Variants in PCM1 observed in about 807,000 individuals in gnomAD.
PCM1 encodes the protein pericentriolar material 1.
Under a neutral mutation model 241.9 loss-of-function variants are expected in PCM1, and 157 were observed. The ratio of observed to expected loss-of-function variants is 0.65; its 90% CI spans 0.57 to 0.74. The LOEUF (loss-of-function observed/expected upper bound fraction) is 0.74. Among genes scored for constraint, PCM1 ranks in the 30% least tolerant of loss-of-function variants. The pLI, the probability that PCM1 is intolerant of heterozygous loss-of-function variation, is 0.00. For synonymous variants in PCM1, 1,085 were observed against 784.9 expected (o/e 1.38, Z -6.39); for missense variants, 3,478 against 2,360.1 (o/e 1.47, Z -9.81).
At chr8:18,010,203 T>C (rs1296586567) in intron 31 of PCM1, among the ~76,000 whole-genome samples, 2 of 152,182 alleles carry the variant, frequency 1.3e-5, no homozygotes, top group Non-Finnish European at 2.9e-5. Flanking sequence ...GTCAAATTAA[T>C]TTTGATCACA....
At chr8:17,956,877 C>T (rs1383491963) in intron 11 of PCM1, 100 bp downstream of exon 11, 10 of 958,190 alleles carry the variant, frequency 1.0e-5, no homozygotes, top group Middle Eastern at 4.6e-4. Flanking sequence ...TACTATTTGC[C>T]TTTTATTTAA....
At chr8:17,970,000 T>C (rs1323190627) in intron 22 of PCM1, among the ~76,000 whole-genome samples, 1 of 152,178 alleles carries the variant, frequency 6.6e-6, no homozygotes, top group Non-Finnish European at 1.5e-5. Context: ...TTGATACCTG[T>C]CTTTACGGTT....
chr8:17,924,301 A>C (rs3913555), intron 1 of PCM1, among the ~76,000 whole-genome samples: 103,933 of 152,116 alleles, frequency 0.68, 36,303 homozygotes, highest in Non-Finnish European at 0.77. Context: ...AGGTTATTTT[A>C]TTATGAAGTA....
rs769388820 is a variant in PCM1, at chr8:17,967,023, C to A, written c.3265C>A (p.His1089Asn). ...LNELMRQQNQ[H>N]PEKPGGKERG... The stretch of plus-strand genomic sequence containing the variant: ...TGAACTTATGCGCCAGCAAAATCAG[C>A]ATCCAGAAAAACCTGGAGGCAAGGA... The change falls in exon 21 of 39, where the codon CAT (histidine) becomes AAT (asparagine). Residue 1089 changes from histidine to asparagine, a missense_variant. By Grantham distance (68) the His-to-Asn change is moderately conservative. Coordinates refer to ENST00000325083, the MANE Select transcript of PCM1 (RefSeq NM_006197.4). 1 of 1,608,984 alleles carries A rather than the reference C, an allele frequency of 6.2e-7. No individual in the cohort carries two copies.
At chr8:18,006,567 A>G (rs2091375183) in intron 30 of PCM1, among the ~76,000 whole-genome samples, 170 bp downstream of exon 30, 1 of 152,176 alleles carries the variant, frequency 6.6e-6, no homozygotes, top group Non-Finnish European at 1.5e-5. Flanking sequence ...CTTGGTTAAA[A>G]TAATATTGTA....
intron 29 of PCM1, among the ~76,000 whole-genome samples, chr8:17,997,316 CCTTT>C (rs2087239531): frequency 6.6e-6 from 1 of 152,032 alleles, no homozygotes; most frequent in South Asian, 2.1e-4. Context: ...CTTTTAGGGT[CCTTT>C]CTTTATCCTT....
chr8:17,983,063 AT>A (rs761213884), intron 24 of PCM1, among the ~76,000 whole-genome samples: 3 of 151,944 alleles, frequency 2.0e-5, no homozygotes, highest in East Asian at 3.9e-4. Context: ...ACCTTTTGAG[AT>A]TTTTTTTCTT....
chr8:18,009,777 T>A (rs759073765), intron 31 of PCM1, 33 bp downstream of exon 31: 110 of 1,251,244 alleles, frequency 8.8e-5, no homozygotes, highest in Non-Finnish European at 1.1e-4. Context: ...TTTAGGATAA[T>A]TGACACATAA....
intron 1 of PCM1, 79 bp from the exon 2 acceptor site, chr8:17,924,633 CA>C (rs1323316050): frequency 6.6e-6 from 1 of 152,016 alleles, no homozygotes; most frequent in Non-Finnish European, 1.5e-5. Flanking sequence ...TACTTTAGAC[CA>C]AAACTGAAGT....
At chr8:17,940,105 G>A in intron 6 of PCM1, 2 of 1,578,150 alleles carry the variant, frequency 1.3e-6, no homozygotes, top group Non-Finnish European at 1.7e-6. Flanking sequence ...TGGTTCTGTA[G>A]CTGAGAGCAC....
chr8:18,024,099 A>G (rs61307693), intron 36 of PCM1, among the ~76,000 whole-genome samples: 26 of 152,254 alleles, frequency 1.7e-4, no homozygotes, highest in Admixed American at 1.6e-3. Flanking sequence ...AATTGCAAAC[A>G]TAAGTGAAAC....
intron 13 of PCM1, among the ~76,000 whole-genome samples, chr8:17,958,221 T>A (rs192355732): frequency 2.0e-5 from 3 of 152,292 alleles, no homozygotes; most frequent in East Asian, 1.9e-4. Flanking sequence ...GTTAAAGAGA[T>A]CTTAATTGCC....
At chr8:17,941,064 A>AT (rs1245390632) in intron 6 of PCM1, among the ~76,000 whole-genome samples, 2 of 152,128 alleles carry the variant, frequency 1.3e-5, no homozygotes, top group African/African-American at 4.8e-5. Context: ...TGAAGAGGTG[A>AT]TTTGGATTTC....
At chr8:18,021,553 T>C (rs554091803) in intron 36 of PCM1, among the ~76,000 whole-genome samples, 6 of 152,224 alleles carry the variant, frequency 3.9e-5, no homozygotes, top group Non-Finnish European at 8.8e-5. Context: ...ATTTCCTTTA[T>C]GGGGCTTTTC....
intron 28 of PCM1, among the ~76,000 whole-genome samples, chr8:17,992,067 T>C (rs2084850214): frequency 6.6e-6 from 1 of 152,224 alleles, no homozygotes; most frequent in East Asian, 1.9e-4. Context: ...TATGCTGTGG[T>C]GTATAAATAA....
intron 36 of PCM1, among the ~76,000 whole-genome samples, chr8:18,021,217 C>CG (rs1385452563): frequency 1.2e-4 from 18 of 152,100 alleles, no homozygotes; most frequent in Admixed American, 3.3e-4. Flanking sequence ...TTCCTGAGTC[C>CG]TTCAAACTGT....
intron 5 of PCM1, among the ~76,000 whole-genome samples, chr8:17,939,429 T>G (rs1474116683): frequency 6.6e-6 from 1 of 152,204 alleles, no homozygotes; most frequent in East Asian, 1.9e-4. Flanking sequence ...GAAGTAAAAT[T>G]TTTCAGATAC....
chr8:18,007,693 C>A (rs1564342848), intron 30 of PCM1, among the ~76,000 whole-genome samples: 4 of 152,102 alleles, frequency 2.6e-5, no homozygotes, highest in Admixed American at 2.6e-4. Flanking sequence ...AAATATTGCC[C>A]AGAGTATTGA....
In PCM1 at chr8:18,019,352, G is replaced by T. The variant is rs368659945; in HGVS notation, c.5841+4512G>T. 2.6e-5 allele frequency among the ~76,000 whole-genome samples: 4 copies of T among 152,172 alleles called. No individual in the cohort carries two copies. The East Asian group carries it at 5.8e-4, about 22-fold the overall frequency. On this transcript the variant is annotated intron_variant, in intron 36 of 38. Coordinates refer to ENST00000325083, the MANE Select transcript of PCM1 (RefSeq NM_006197.4). ...TGTCCTCAGCCTTTTTGGCACCAGG[G>T]ACTGGTTTCATGGAAGACAATTTTT...
Sources: allele counts gnomAD v4.1 joint callset (sites outside exome capture counted in the v4.1 genomes callset), GRCh38; gene constraint gnomAD v4.1.1; transcripts MANE v1.5; gene names NCBI Gene and HGNC (gene_info 2026-07-23, HGNC 2026-07-21).